SMC5: variants seen among roughly 807,000 people sequenced by gnomAD.
SMC5 encodes the protein structural maintenance of chromosomes 5.
Under a neutral mutation model 148.3 loss-of-function variants are expected in SMC5, and 88 were observed. That is an observed-to-expected ratio of 0.59 (90% CI 0.50 to 0.71). The LOEUF (loss-of-function observed/expected upper bound fraction) is 0.71, where lower values mean the gene tolerates loss of function less well. SMC5 is among the 30% of genes least tolerant of loss of function. SMC5 has a pLI of 0.00. For synonymous variants in SMC5, 421 were observed against 432.8 expected (o/e 0.97, Z 0.34); for missense variants, 1,142 against 1,298.9 (o/e 0.88, Z 1.86).
At chr9:70,264,720 C>T (rs2034230371) in intron 2 of SMC5, among the ~76,000 whole-genome samples, 1 of 151,902 alleles carries the variant, frequency 6.6e-6, no homozygotes, top group African/African-American at 2.4e-5. Context: ...GCTTGTGGAA[C>T]AGTGAAGTAA....
chr9:70,340,418 A>T (rs1303293734), intron 17 of SMC5, among the ~76,000 whole-genome samples: 1 of 151,926 alleles, frequency 6.6e-6, no homozygotes, highest in East Asian at 1.9e-4. Flanking sequence ...AAAAGTTAAG[A>T]TTATTATTCT....
At chr9:70,296,552 C>CAA (rs112744853) in intron 8 of SMC5, among the ~76,000 whole-genome samples, 4,828 of 112,760 alleles carry the variant, frequency 0.043, 106 homozygotes, top group Non-Finnish European at 0.066. Flanking sequence ...GACTCTGTCT[C>CAA]AAAAAAAAAA....
At position 70,338,126 on chromosome 9, in the gene SMC5, C is replaced by T. The variant is rs143104359; in HGVS notation, c.2398-6018C>T. Among the ~76,000 whole-genome samples the T allele has an allele frequency of 1.8e-3, 271 of 152,244 alleles. 4 individuals carry two copies. The highest frequency in any genetic ancestry group is 0.016 in the Admixed American group (238 of 15,296). On this transcript the variant is annotated intron_variant, in intron 17 of 24. Transcript: ENST00000361138. The stretch of plus-strand genomic sequence containing the variant: ...GAAATCCTGGGCTCAAGCAATCCTC[C>T]TGCCTCAGCCTTTCCAGGTATCTAG...
rs1434195035 is a variant in SMC5, at chr9:70,318,688, G to T, written c.1980+1G>T. 4 of 1,586,246 alleles carry T rather than the reference G, an allele frequency of 2.5e-6. No individual in the cohort carries two copies. Among genetic ancestry groups the T allele is most frequent in the Admixed American group, 1.9e-5 (1 of 54,004 alleles). On this transcript the variant is annotated splice_donor_variant, in intron 14 of 24. Transcript: ENST00000361138. LOFTEE classifies it high-confidence loss of function. ...AAGACACTTAGAAGAACAGCTAAAG[G>T]TTGGTTAATTTGATCTGAATGTTAG...
At chr9:70,308,029 C>G (rs972134369) in intron 11 of SMC5, among the ~76,000 whole-genome samples, 1 of 152,130 alleles carries the variant, frequency 6.6e-6, no homozygotes, top group African/African-American at 2.4e-5. Context: ...GCTCTGGATA[C>G]TAGGTGTGTT....
At position 70,286,184 on chromosome 9, in the gene SMC5, C is replaced by CGGG; in HGVS notation, c.982-14_982-13insGGG. The CGGG allele has an allele frequency of 2.7e-6, 4 of 1,501,096 alleles. No individual in the cohort carries two copies. The highest frequency in any genetic ancestry group is 2.8e-6 in the Non-Finnish European group (3 of 1,087,028). 93.0% of individuals were successfully genotyped at this position (1,501,096 alleles called of 1,614,324 possible). On this transcript the variant is annotated splice_polypyrimidine_tract_variant and intron_variant, in intron 7 of 24. Transcript: ENST00000361138. ...TTAACTAGCTGTCCCCCCCTCTCCC[C>CGGG]GGTTTAATTTTACAGGCAACAGATA...
chr9:70,290,882 G>A (rs879856835), intron 8 of SMC5, among the ~76,000 whole-genome samples: 33 of 152,176 alleles, frequency 2.2e-4, no homozygotes, highest in Non-Finnish European at 3.2e-4. Context: ...AAGGGTTAAA[G>A]CCCCTTTGTC....
At chr9:70,266,070 T>C (rs1291551292) in intron 2 of SMC5, among the ~76,000 whole-genome samples, 1 of 152,296 alleles carries the variant, frequency 6.6e-6, no homozygotes, top group South Asian at 2.1e-4. Flanking sequence ...CAAGTTAACA[T>C]TTCTAAAAGT....
intron 18 of SMC5, chr9:70,346,300 T>C (rs893278012): frequency 1.4e-5 from 5 of 362,620 alleles, no homozygotes; most frequent in Non-Finnish European, 2.0e-5. Flanking sequence ...GTTTAAGATA[T>C]TAGATTAATA....
intron 2 of SMC5, among the ~76,000 whole-genome samples, chr9:70,267,274 T>C (rs1364714691): frequency 6.6e-6 from 1 of 152,208 alleles, no homozygotes; most frequent in Non-Finnish European, 1.5e-5. Flanking sequence ...ATCACTTATT[T>C]ATAGCCTGAT....
At chr9:70,289,888 T>C (rs1355299882) in intron 8 of SMC5, among the ~76,000 whole-genome samples, 1 of 151,132 alleles carries the variant, frequency 6.6e-6, no homozygotes, top group African/African-American at 2.4e-5. Context: ...TTATTATTAT[T>C]ATTATTATTA....
rs1334673669 is a variant in SMC5, at chr9:70,328,038, C to T, written c.2397+3895C>T. 2.0e-5 allele frequency among the ~76,000 whole-genome samples: 3 copies of T among 152,122 alleles called. No individual in the cohort carries two copies. The East Asian group carries it at 5.8e-4, about 29-fold the overall frequency. On this transcript the variant is annotated intron_variant, in intron 17 of 24. Coordinates refer to ENST00000361138, the MANE Select transcript of SMC5 (RefSeq NM_015110.4). ...AACAACCGGATCTTGTGAGAACTCA[C>T]TATCACAAGAACTACAAGGGGAATC... is the stretch of plus-strand genomic sequence containing the variant.
chr9:70,286,948 C>T (rs2034919843), intron 8 of SMC5, among the ~76,000 whole-genome samples: 1 of 152,130 alleles, frequency 6.6e-6, no homozygotes, highest in Admixed American at 6.5e-5. Flanking sequence ...AACGCCTGAG[C>T]TCAAGCTATC....
intron 6 of SMC5, 148 bp downstream of exon 6, chr9:70,281,047 T>C (rs2034736658): frequency 1.2e-6 from 1 of 821,400 alleles, no homozygotes; most frequent in Admixed American, 3.0e-5. Flanking sequence ...TCATGTCTTT[T>C]TTTTTTTTGA....
At chr9:70,267,850 A>T in intron 2 of SMC5, 73 bp from the exon 3 acceptor site, 2 of 1,330,650 alleles carry the variant, frequency 1.5e-6, no homozygotes, top group South Asian at 1.3e-5. Context: ...ACAAATAATA[A>T]TGACTGCTAA....
In SMC5 at chr9:70,352,613, C is replaced by T; in HGVS notation, c.*282C>T. On this transcript the variant is annotated 3_prime_UTR_variant, in exon 25 of 25. Coordinates refer to ENST00000361138, the MANE Select transcript of SMC5 (RefSeq NM_015110.4). ...TTAAAATGTACTTAATATTACAAATCAAAGGTACAGTGGAAGAAGGGTTAA... is the reference window on the plus strand; with the variant it reads ...TTAAAATGTACTTAATATTACAAATTAAAGGTACAGTGGAAGAAGGGTTAA... 2 of 280,492 alleles carry T rather than the reference C, an allele frequency of 7.1e-6. No homozygotes were observed. The highest frequency in any genetic ancestry group is 1.3e-5 in the Non-Finnish European group (2 of 149,812). 17.4% of individuals were successfully genotyped at this position (280,492 alleles called of 1,614,324 possible).
intron 10 of SMC5, among the ~76,000 whole-genome samples, chr9:70,304,668 CAGAG>C (rs952988094): frequency 1.3e-5 from 2 of 151,954 alleles, no homozygotes; most frequent in South Asian, 2.1e-4. Flanking sequence ...GCCTCAGTGA[CAGAG>C]AGAGACTGTC....
intron 3 of SMC5, among the ~76,000 whole-genome samples, chr9:70,273,842 A>G (rs1206841376): frequency 6.6e-6 from 1 of 152,128 alleles, no homozygotes; most frequent in Non-Finnish European, 1.5e-5. Flanking sequence ...AACTTTAGTA[A>G]TTGTTCTTTG....
At chr9:70,307,799 C>T (rs558757631) in intron 11 of SMC5, among the ~76,000 whole-genome samples, 6 of 152,212 alleles carry the variant, frequency 3.9e-5, no homozygotes, top group South Asian at 4.1e-4. Context: ...CCACCACGCC[C>T]GGTCAATTCA....
Sources: gnomAD v4.1 joint callset for allele counts (sites outside exome capture counted in the v4.1 genomes callset) on GRCh38, gnomAD v4.1.1 for gene constraint, MANE v1.5 for transcripts, NCBI Gene and HGNC (gene_info 2026-07-23, HGNC 2026-07-21) for gene names.